The following LMF1 variants were observed in gnomAD, a reference collection of about 807,000 sequenced individuals.
The protein encoded by LMF1 is transmembrane protein 112.
A neutral mutation model predicts 60.6 loss-of-function variants in LMF1; 68 were observed. That is an observed-to-expected ratio of 1.12 (90% CI 0.92 to 1.37). LMF1 has a LOEUF of 1.37. Among genes scored for constraint, LMF1 ranks in the 40% most tolerant of loss-of-function variants. LMF1 has a pLI of 0.00. For missense variants in LMF1, 948 were observed against 767.2 expected (o/e 1.24, Z -2.78); for synonymous variants, 418 against 324.7 (o/e 1.29, Z -3.09).
chr16:953,094 C>T (rs1456786026), intron 2 of LMF1, among the ~76,000 whole-genome samples: 3 of 99,664 alleles, frequency 3.0e-5, no homozygotes, highest in East Asian at 2.9e-4. Flanking sequence ...GCCTCCTACA[C>T]GTCCACACAG....
At chr16:978,325 C>G (rs1382636128) in intron 1 of LMF1, among the ~76,000 whole-genome samples, 3 of 149,480 alleles carry the variant, frequency 2.0e-5, no homozygotes, top group African/African-American at 5.0e-5. Context: ...ATACACATAT[C>G]ACACATTACA....
intron 2 of LMF1, chr16:947,333 C>T (rs1417702085): frequency 5.3e-6 from 2 of 378,086 alleles, no homozygotes; most frequent in African/African-American, 2.1e-5. Context: ...GCCCCACCCA[C>T]CCAGTTGGGG....
At chr16:957,868 C>T (rs1416241936) in intron 1 of LMF1, among the ~76,000 whole-genome samples, 3 of 152,098 alleles carry the variant, frequency 2.0e-5, no homozygotes, top group African/African-American at 4.8e-5. Flanking sequence ...TTGGGCCGGG[C>T]GTGGTGGCTC....
chr16:981,341 AGAGAGAGTGT>A (rs1461514534), upstream of LMF1: 1,469 of 274,972 alleles, frequency 5.3e-3, 1 homozygote, highest in Admixed American at 8.7e-3. Flanking sequence ...AGAGAGAGAG[AGAGAGAGTGT>A]GTGTGTGTGT....
At chr16:975,117 G>A (rs2073110719), upstream of LMF1, among the ~76,000 whole-genome samples, 1 of 152,116 alleles carries the variant, frequency 6.6e-6, no homozygotes, top group Non-Finnish European at 1.5e-5. Context: ...CTCACAGACG[G>A]CTGTTCTGCT....
intron 1 of LMF1, chr16:968,885 G>A (rs898687805): frequency 3.3e-5 from 5 of 152,244 alleles, no homozygotes; most frequent in African/African-American, 1.2e-4. Flanking sequence ...ACTTCCTGCT[G>A]TATCTCGGGC....
intron 2 of LMF1, among the ~76,000 whole-genome samples, chr16:947,144 C>G (rs1222633559): frequency 6.6e-6 from 1 of 152,264 alleles, no homozygotes; most frequent in Non-Finnish European, 1.5e-5. Context: ...AAGAGACGCC[C>G]AGGGTGGGCT....
intron 10 of LMF1, among the ~76,000 whole-genome samples, chr16:867,442 G>T (rs529352727): frequency 1.3e-5 from 2 of 152,328 alleles, no homozygotes; most frequent in East Asian, 1.9e-4. Flanking sequence ...AGGAGGCTGC[G>T]ATCTGGGGTG....
At chr16:975,728 G>A (rs573954266), upstream of LMF1, 412 of 442,236 alleles carry the variant, frequency 9.3e-4, 5 homozygotes, top group South Asian at 1.2e-3. Flanking sequence ...CCTTCCCCAC[G>A]CTCAGAAAAA....
chr16:879,175 G>A (rs915418409), intron 6 of LMF1, among the ~76,000 whole-genome samples: 6 of 152,134 alleles, frequency 3.9e-5, no homozygotes, highest in South Asian at 2.1e-4. Flanking sequence ...CTGGTTCCCC[G>A]TGGACTGACA....
At chr16:951,313 G>GAGTCAGAGACAACGACAA (rs1245625899) in intron 2 of LMF1, among the ~76,000 whole-genome samples, 23 of 150,422 alleles carry the variant, frequency 1.5e-4, no homozygotes, top group African/African-American at 5.1e-4. Context: ...GCCAATGACA[G>GAGTCAGAGACAACGACAA]AGTCAGAGAC....
chr16:933,761 A>G, intron 3 of LMF1: 1 of 365,160 alleles, frequency 2.7e-6, no homozygotes. Context: ...TGTCCTGTCC[A>G]CTGGGTGGCT....
intron 1 of LMF1, chr16:976,979 T>C: frequency 2.2e-6 from 1 of 453,786 alleles, no homozygotes; most frequent in Non-Finnish European, 4.4e-6. Context: ...CTGGAAATGC[T>C]CGTCCTCCGT....
At chr16:977,579 C>T (rs1370882871) in intron 1 of LMF1, among the ~76,000 whole-genome samples, 7 of 152,134 alleles carry the variant, frequency 4.6e-5, no homozygotes, top group Admixed American at 3.3e-4. Context: ...GTGCACACAC[C>T]GGCTGCCAGC....
At position 951,913 on chromosome 16, in the gene LMF1, G is replaced by A. The variant is rs1205281916; in HGVS notation, c.503+2444C>T. On this transcript the variant is annotated intron_variant, in intron 2 of 10. Coordinates refer to ENST00000262301, the MANE Select transcript of LMF1 (RefSeq NM_022773.4). The stretch of plus-strand genomic sequence containing the variant: ...TGAACGTGATGTGCGGGGGAGGTGC[G>A]TCACAGGGCCTGGGGCATCGGGGGC... Among the ~76,000 whole-genome samples, 12 of 152,332 alleles carry A rather than the reference G, an allele frequency of 7.9e-5. No individual in the cohort carries two copies. In the South Asian group the frequency reaches 8.3e-4, roughly 11 times the overall value.
chr16:924,946 G>C (rs924481473), intron 3 of LMF1, among the ~76,000 whole-genome samples: 3 of 152,240 alleles, frequency 2.0e-5, no homozygotes, highest in South Asian at 4.1e-4. Context: ...GACCTGCTAG[G>C]GGGTGGCAAG....
rs185664348 is a variant in LMF1, at chr16:951,990, C to T, written c.503+2367G>A. Among the ~76,000 whole-genome samples, 355 of 151,952 alleles carry T rather than the reference C, an allele frequency of 2.3e-3. 4 individuals carry two copies. The highest frequency in any genetic ancestry group is 1.6e-3 in the Non-Finnish European group (106 of 67,862). Reference sequence around the variant, plus strand: ...ACGTGGCCCCAGGCCTGCAGACTCCCGTGAGAGCGCCTGACCCCAGCACAC... The same window carrying T: ...ACGTGGCCCCAGGCCTGCAGACTCCTGTGAGAGCGCCTGACCCCAGCACAC... On this transcript the variant is annotated intron_variant, in intron 2 of 10. Transcript: ENST00000262301.
At chr16:880,594 C>T (rs938739374) in intron 5 of LMF1, among the ~76,000 whole-genome samples, 3 of 152,216 alleles carry the variant, frequency 2.0e-5, no homozygotes, top group African/African-American at 7.2e-5. Context: ...CGCCTGAACC[C>T]AGGAGGTAGA....
chr16:937,493 T>G (rs1371395843), intron 2 of LMF1, among the ~76,000 whole-genome samples: 5 of 152,002 alleles, frequency 3.3e-5, no homozygotes, highest in African/African-American at 1.2e-4. Context: ...CTCTGTTGAC[T>G]GACAGGCTGC....
Sources: allele counts gnomAD v4.1 joint callset (sites outside exome capture counted in the v4.1 genomes callset), GRCh38; gene constraint gnomAD v4.1.1; transcripts MANE v1.5; gene names NCBI Gene and HGNC (gene_info 2026-07-23, HGNC 2026-07-21).